MYH15: variants seen among roughly 807,000 people sequenced by gnomAD.
MYH15 encodes the protein myosin-15.
MYH15 carries 227 observed loss-of-function variants against 240.5 expected under a neutral mutation model. The observed-to-expected ratio is 0.94, with a 90% CI of 0.85 to 1.05. The LOEUF is 1.05. MYH15 is among the 50% of genes least tolerant of loss of function. The pLI is 0.00. For synonymous variants in MYH15, 785 were observed against 796.7 expected, an observed-to-expected ratio of 0.99 and a Z score of 0.25; for missense variants, 2,217 against 2,247.5, an observed-to-expected ratio of 0.99 and a Z score of 0.27.
chr3:108,422,886 T>C (rs1333872400), intron 27 of MYH15, among the ~76,000 whole-genome samples: 2 of 152,212 alleles, frequency 1.3e-5, no homozygotes, highest in Non-Finnish European at 1.5e-5. Context: ...AAAACTTCTG[T>C]ATCAGCCAAA....
chr3:108,387,606 G>A (rs1203176783), intron 38 of MYH15, among the ~76,000 whole-genome samples: 1 of 152,158 alleles, frequency 6.6e-6, no homozygotes, highest in Non-Finnish European at 1.5e-5. Flanking sequence ...GAATCAATGG[G>A]AAAATAAAAA....
At position 108,478,094 on chromosome 3, in the gene MYH15, A is replaced by G. The variant is rs568257048; in HGVS notation, c.1115-1579T>C. Among the ~76,000 whole-genome samples, 38 of 152,232 alleles carry G rather than the reference A, an allele frequency of 2.5e-4. No individual in the cohort carries two copies. In the South Asian group the frequency reaches 7.0e-3, roughly 28 times the overall value. On this transcript the variant is annotated intron_variant, in intron 11 of 40. Coordinates refer to ENST00000693548, the MANE Select transcript of MYH15 (RefSeq NM_014981.3). ...ATGCAGCCTTTCTTTAATTCACTAA[A>G]GAAAAAAAAAGCTGCAAATTTTCCA...
intron 1 of MYH15, among the ~76,000 whole-genome samples, chr3:108,520,154 T>A (rs1418207586): frequency 6.6e-6 from 1 of 152,180 alleles, no homozygotes; most frequent in African/African-American, 2.4e-5. Flanking sequence ...GTCAATATAG[T>A]TTTCAGTATG....
chr3:108,410,532 T>C (rs897149444), intron 31 of MYH15, 51 bp downstream of exon 31: 1 of 1,354,252 alleles, frequency 7.4e-7, no homozygotes, highest in Non-Finnish European at 1.0e-6. Context: ...TAGCCAGGGC[T>C]CTTCCTGAGC....
rs370239153 is a variant in MYH15 at position 108,439,847 on chromosome 3, T to C, written c.2965A>G (p.Lys989Glu). 6 of 1,612,976 alleles carry C rather than the reference T, an allele frequency of 3.7e-6. No individual in the cohort carries two copies. In the African/African-American group the frequency reaches 8.0e-5, roughly 22 times the overall value. Reference sequence around the variant, plus strand: ...TGCTGATGGGCCTCCTGCACAACCTTGGCTGCTCTGTTAAGTTTGCTGATA... The same window carrying C: ...TGCTGATGGGCCTCCTGCACAACCTCGGCTGCTCTGTTAAGTTTGCTGATA... ...EDISKLNRAA[K>E]VVQEAHQQTL... Residue 989 changes from lysine to glutamate, a missense_variant, in exon 24 of 41, where the codon AAG becomes GAG. By Grantham distance (56) the Lys-to-Glu change is moderately conservative (BLOSUM62 1). Coordinates refer to ENST00000693548, the MANE Select transcript of MYH15 (RefSeq NM_014981.3).
chr3:108,494,389 TTC>T (rs1004203780), intron 7 of MYH15, among the ~76,000 whole-genome samples: 6 of 151,942 alleles, frequency 3.9e-5, no homozygotes, highest in African/African-American at 1.2e-4. Context: ...TCCTTTTTCT[TTC>T]TCTCTTCTTT....
chr3:108,476,334 T>G (rs781632968), intron 12 of MYH15, 63 bp downstream of exon 12: 3 of 1,101,918 alleles, frequency 2.7e-6, no homozygotes, highest in Non-Finnish European at 4.2e-6. Flanking sequence ...AAATATACAG[T>G]ACAATATATA....
In MYH15 at chr3:108,470,779, C is replaced by A. The variant is rs1332781374; in HGVS notation, c.1302G>T (p.Arg434=). ...YERMFKWLVA[R]INRALDAKLS... is the part of the protein sequence containing the mutation. ...GCTTGGCATCCAGGGCCCTGTTGATCCGTGCCACTAGCCACTTAAACATCC... is the reference window on the plus strand; with the variant it reads ...GCTTGGCATCCAGGGCCCTGTTGATACGTGCCACTAGCCACTTAAACATCC... The change falls in exon 13 of 41, where the codon CGG becomes CGT. Residue 434 remains arginine, a synonymous_variant. Coordinates refer to ENST00000693548, the MANE Select transcript of MYH15 (RefSeq NM_014981.3). The A allele has an allele frequency of 6.2e-7, 1 of 1,613,888 alleles. No individual in the cohort carries two copies. Among genetic ancestry groups the A allele is most frequent in the East Asian group, 2.2e-5 (1 of 44,838 alleles).
intron 10 of MYH15, among the ~76,000 whole-genome samples, chr3:108,485,840 T>C (rs1338823423): frequency 6.6e-6 from 1 of 152,226 alleles, no homozygotes; most frequent in African/African-American, 2.4e-5. Context: ...TCTAGGAATC[T>C]AGCATAAGGT....
intron 23 of MYH15, among the ~76,000 whole-genome samples, chr3:108,440,287 A>G (rs1489877240): frequency 6.6e-6 from 1 of 152,200 alleles, no homozygotes; most frequent in African/African-American, 2.4e-5. Context: ...GAGTCATGGC[A>G]TGTACTGATT....
At chr3:108,530,276 A>G (rs2083702987), upstream of MYH15, among the ~76,000 whole-genome samples, 1 of 152,212 alleles carries the variant, frequency 6.6e-6, no homozygotes, top group East Asian at 1.9e-4. Context: ...GAATACAAAT[A>G]TATCTACCAC....
At chr3:108,455,949 T>C (rs749931355) in intron 19 of MYH15, 90 bp from the exon 20 acceptor site, 37 of 1,247,656 alleles carry the variant, frequency 3.0e-5, no homozygotes, top group South Asian at 1.3e-4. Context: ...AAAGGAGACA[T>C]AGATTTTTAT....
chr3:108,447,155 T>C (rs77027496), intron 21 of MYH15, among the ~76,000 whole-genome samples: 1 of 152,088 alleles, frequency 6.6e-6, no homozygotes, highest in African/African-American at 2.4e-5. Context: ...ACAGGTCACT[T>C]GAAATTACTC....
upstream of MYH15, among the ~76,000 whole-genome samples, chr3:108,529,960 T>G (rs946567930): frequency 6.6e-6 from 1 of 152,154 alleles, no homozygotes; most frequent in Non-Finnish European, 1.5e-5. Context: ...AGGATCCTTA[T>G]CAAGTCATCA....
At chr3:108,515,838 C>A (rs994568818) in intron 1 of MYH15, among the ~76,000 whole-genome samples, 1 of 152,030 alleles carries the variant, frequency 6.6e-6, no homozygotes, top group Non-Finnish European at 1.5e-5. Flanking sequence ...GAGGATGGTA[C>A]CATGGGGAAG....
chr3:108,410,823 C>A lies in MYH15; in HGVS notation c.4255G>T (p.Asp1419Tyr). ...ARHQLQLELGDALSDLGKVRS... is the reference protein window; with the variant it reads ...ARHQLQLELGYALSDLGKVRS... ...ACCTTCCCGAGGTCAGACAGGGCGTCCCCGAGCTCCAGCTGCAGCTGGTGC... is the reference window on the plus strand; with the variant it reads ...ACCTTCCCGAGGTCAGACAGGGCGTACCCGAGCTCCAGCTGCAGCTGGTGC... Residue 1419 changes from aspartate (D) to tyrosine (Y), a missense_variant, in exon 31 of 41, where the codon GAC becomes TAC. By Grantham distance (160) the Asp-to-Tyr change is radical. Coordinates refer to ENST00000693548, the MANE Select transcript of MYH15 (RefSeq NM_014981.3). 6.2e-7 allele frequency: 1 copy of A among 1,614,046 alleles called. No homozygotes were observed. The highest frequency in any genetic ancestry group is 8.5e-7 in the Non-Finnish European group (1 of 1,179,890).
At chr3:108,417,231 T>G (rs139745885) in intron 28 of MYH15, among the ~76,000 whole-genome samples, 190 of 152,320 alleles carry the variant, frequency 1.2e-3, no homozygotes, top group Admixed American at 3.8e-3. Flanking sequence ...TGTTATCTAG[T>G]TTAATTTTCA....
upstream of MYH15, among the ~76,000 whole-genome samples, chr3:108,511,580 G>C (rs554839768): frequency 6.6e-6 from 1 of 152,136 alleles, no homozygotes; most frequent in Non-Finnish European, 1.5e-5. Flanking sequence ...TGGAAACTGG[G>C]CCTTCATGAT....
chr3:108,439,977 G>A (rs1658865392), intron 23 of MYH15, 64 bp from the exon 24 acceptor site: 2 of 1,380,450 alleles, frequency 1.4e-6, no homozygotes, highest in Admixed American at 5.0e-5. Context: ...AACACTGAGG[G>A]TCATTTCTCT....
Sources: gnomAD v4.1 joint callset for allele counts (sites outside exome capture counted in the v4.1 genomes callset) on GRCh38, gnomAD v4.1.1 for gene constraint, MANE v1.5 for transcripts, NCBI Gene and HGNC (gene_info 2026-07-23, HGNC 2026-07-21) for gene names.